THBS4: variants seen among roughly 807,000 people sequenced by gnomAD.
THBS4 encodes the protein thrombospondin 4.
In THBS4, 90 loss-of-function variants were observed where a neutral mutation model predicts 115.7. That is an observed-to-expected ratio of 0.78 (90% CI 0.66 to 0.93). The LOEUF (loss-of-function observed/expected upper bound fraction) is 0.93, where lower values mean the gene tolerates loss of function less well. THBS4 is among the 40% of genes least tolerant of loss of function. The probability of loss-of-function intolerance (pLI) is 0.00; values close to 1 mark genes in which losing one functional copy is unlikely to be tolerated. For synonymous variants in THBS4, 460 were observed against 479.3 expected, an observed-to-expected ratio of 0.96 and a Z score of 0.53; for missense variants, 1,087 against 1,232.7, an observed-to-expected ratio of 0.88 and a Z score of 1.77.
chr5:80,018,638 G>T (rs256450), intron 2 of THBS4, among the ~76,000 whole-genome samples: 38,836 of 151,830 alleles, frequency 0.26, 5,543 homozygotes, highest in African/African-American at 0.38. Flanking sequence ...TAGGTGATCT[G>T]CCCACCTCGG....
Position 80,068,114 on chromosome 5 carries a change from G to A in THBS4, c.1336G>A (p.Val446Met). The change falls in exon 10 of 22, where the codon GTG becomes ATG. Residue 446 changes from valine (V) to methionine (M), a missense_variant. By Grantham distance (21) the Val-to-Met change is conservative. Coordinates refer to ENST00000350881, the MANE Select transcript of THBS4 (RefSeq NM_003248.6). ...AQCIEERQGD[V>M]TCVCGVGWAG... is the part of the protein sequence containing the mutation. ...GTGCATTGAAGAGAGGCAGGGGGAT[G>A]TGACATGTGTGGTAAGTTGTTTTTT... 1 of 1,613,818 alleles carries A rather than the reference G, an allele frequency of 6.2e-7. No homozygotes were observed. The highest frequency in any genetic ancestry group is 8.5e-7 in the Non-Finnish European group (1 of 1,179,936).
At chr5:80,058,355 A>T (rs190932453) in intron 4 of THBS4, 41 bp downstream of exon 4, 1 of 1,440,874 alleles carries the variant, frequency 6.9e-7, no homozygotes, top group East Asian at 2.5e-5. Flanking sequence ...CATCAACACA[A>T]ACTCCAAAGA....
intron 4 of THBS4, 138 bp from the exon 5 acceptor site, chr5:80,058,570 T>A (rs1833510074): frequency 3.9e-6 from 3 of 760,098 alleles, no homozygotes; most frequent in Non-Finnish European, 6.8e-6. Context: ...TTAAAGAAAT[T>A]ACCCCAAATT....
At chr5:80,048,751 G>T (rs1833158201) in intron 2 of THBS4, among the ~76,000 whole-genome samples, 1 of 152,010 alleles carries the variant, frequency 6.6e-6, no homozygotes, top group Admixed American at 6.6e-5. Context: ...GTCACCCAGA[G>T]TACTTTCAGA....
At chr5:79,996,450 G>A (rs1156245812) in intron 1 of THBS4, among the ~76,000 whole-genome samples, 3 of 152,104 alleles carry the variant, frequency 2.0e-5, no homozygotes, top group Non-Finnish European at 4.4e-5. Flanking sequence ...TTGGTCCTGA[G>A]GATGATAGAA....
intron 2 of THBS4, among the ~76,000 whole-genome samples, chr5:80,020,941 A>G (rs1215079494): frequency 6.6e-6 from 1 of 152,248 alleles, no homozygotes; most frequent in East Asian, 1.9e-4. Flanking sequence ...AAATTGTAAT[A>G]TGTAATCTTG....
At chr5:79,998,640 C>T (rs949312449) in intron 2 of THBS4, among the ~76,000 whole-genome samples, 28 of 152,162 alleles carry the variant, frequency 1.8e-4, no homozygotes, top group African/African-American at 5.8e-4. Flanking sequence ...ACAATAGTTA[C>T]AGTAGATGTT....
chr5:80,025,773 C>T (rs903904259), intron 2 of THBS4, among the ~76,000 whole-genome samples: 1 of 152,196 alleles, frequency 6.6e-6, no homozygotes, highest in South Asian at 2.1e-4. Context: ...CGTTCCCCTT[C>T]TCTGTTCTTA....
intron 7 of THBS4, 55 bp downstream of exon 7, chr5:80,059,960 G>A: frequency 6.4e-7 from 1 of 1,556,462 alleles, no homozygotes; most frequent in Non-Finnish European, 8.8e-7. Context: ...TCACCCTGCA[G>A]CTTTTGGAAA....
chr5:80,000,021 C>A (rs745834109), intron 2 of THBS4, among the ~76,000 whole-genome samples: 1 of 152,140 alleles, frequency 6.6e-6, no homozygotes, highest in African/African-American at 2.4e-5. Flanking sequence ...CATCAAGGTG[C>A]TGAGGCAACA....
intron 1 of THBS4, among the ~76,000 whole-genome samples, chr5:79,995,693 A>T (rs965495411): frequency 6.6e-6 from 1 of 152,160 alleles, no homozygotes; most frequent in African/African-American, 2.4e-5. Flanking sequence ...ATTGAAAATG[A>T]GAGACATGCT....
intron 2 of THBS4, among the ~76,000 whole-genome samples, chr5:80,000,498 A>C (rs1831876949): frequency 6.6e-6 from 1 of 151,968 alleles, no homozygotes; most frequent in Non-Finnish European, 1.5e-5. Flanking sequence ...AGGCATTTCC[A>C]TCTTTTGGCT....
At chr5:80,083,034 G>A (rs1205308129) in intron 21 of THBS4, 46 bp from the exon 22 acceptor site, 1 of 1,572,184 alleles carries the variant, frequency 6.4e-7, no homozygotes, top group Non-Finnish European at 8.8e-7. Flanking sequence ...CGGGGTCCGG[G>A]GTGGAAGGAG....
Position 80,055,788 on chromosome 5 carries a change from TC to T in THBS4, c.298del (p.Leu100SerfsTer4), listed in dbSNP as rs1833404476. 6.2e-7 allele frequency: 1 copy of T among 1,612,074 alleles called. No individual in the cohort carries two copies. Among genetic ancestry groups the T allele is most frequent in the Admixed American group, 1.7e-5 (1 of 59,938 alleles). ...FTVMGRLNKA[I>X]LRYLKNDGKV... is the part of the protein sequence containing the mutation. ...GTTGACCTGTGCTTGCTTCCAGCCA[TC>T]CTCCGTTACCTGAAGAACGATGGGA... On this transcript the variant is annotated frameshift_variant, in exon 3 of 22. Transcript: ENST00000350881. LOFTEE classifies it high-confidence loss of function.
At chr5:80,025,173 G>A (rs1271369413) in intron 2 of THBS4, among the ~76,000 whole-genome samples, 1 of 152,084 alleles carries the variant, frequency 6.6e-6, no homozygotes, top group Non-Finnish European at 1.5e-5. Context: ...TGGGTTTCTA[G>A]GCAGTAAAAA....
chr5:80,057,346 G>A (rs1561313916), intron 3 of THBS4, among the ~76,000 whole-genome samples: 1 of 152,254 alleles, frequency 6.6e-6, no homozygotes, highest in Non-Finnish European at 1.5e-5. Context: ...GATCACAGTG[G>A]CTCAGTCTCA....
chr5:80,039,771 T>C (rs1028875125), intron 1 of THBS4, among the ~76,000 whole-genome samples: 47 of 152,226 alleles, frequency 3.1e-4, no homozygotes, highest in African/African-American at 1.1e-3. Flanking sequence ...GTGCTTTTCC[T>C]GGTGGGCATT....
At chr5:80,028,868 C>T (rs1294616710) in intron 2 of THBS4, among the ~76,000 whole-genome samples, 1 of 152,100 alleles carries the variant, frequency 6.6e-6, no homozygotes, top group African/African-American at 2.4e-5. Flanking sequence ...CTGTACCCCC[C>T]TCCCTGTTTT....
intron 1 of THBS4, among the ~76,000 whole-genome samples, chr5:79,991,691 C>A (rs539076963): frequency 2.0e-5 from 3 of 152,304 alleles, no homozygotes; most frequent in African/African-American, 7.2e-5. Flanking sequence ...CTGTTCTCAC[C>A]CTCATGTTCA....
Sources: allele counts gnomAD v4.1 joint callset (sites outside exome capture counted in the v4.1 genomes callset), GRCh38; gene constraint gnomAD v4.1.1; transcripts MANE v1.5; gene names NCBI Gene and HGNC (gene_info 2026-07-23, HGNC 2026-07-21).